MEI4: variants seen among roughly 807,000 people sequenced by gnomAD.
MEI4 encodes the protein meiotic double-stranded break formation protein 4.
MEI4 carries 27 observed loss-of-function variants against 31.4 expected under a neutral mutation model. The observed-to-expected ratio is 0.86, with a 90% CI of 0.63 to 1.19. The LOEUF (loss-of-function observed/expected upper bound fraction) is 1.19. MEI4 is among the 50% of genes most tolerant of loss of function. MEI4 has a pLI of 0.00. For synonymous variants in MEI4, 122 were observed against 145.4 expected (o/e 0.84, Z 1.16); for missense variants, 329 against 398.9 (o/e 0.82, Z 1.49).
chr6:77,671,061 T>G (rs920400941), intron 1 of MEI4, among the ~76,000 whole-genome samples: 9 of 147,544 alleles, frequency 6.1e-5, no homozygotes, highest in Non-Finnish European at 1.2e-4. Flanking sequence ...GTTGTTTTTT[T>G]TTTTTTTTTT....
intron 1 of MEI4, among the ~76,000 whole-genome samples, chr6:77,681,370 G>A (rs879346394): frequency 6.6e-6 from 1 of 152,162 alleles, no homozygotes; most frequent in African/African-American, 2.4e-5. Flanking sequence ...TCTTTGTGAT[G>A]AGGATTATAT....
At chr6:77,863,035 T>G (rs1413333541) in intron 4 of MEI4, among the ~76,000 whole-genome samples, 1 of 152,004 alleles carries the variant, frequency 6.6e-6, no homozygotes, top group African/African-American at 2.4e-5. Context: ...GAAGGAAAAC[T>G]AACAAACAGA....
intron 3 of MEI4, among the ~76,000 whole-genome samples, chr6:77,789,563 A>G (rs979296069): frequency 1.3e-5 from 2 of 152,036 alleles, no homozygotes; most frequent in African/African-American, 2.4e-5. Flanking sequence ...TACAAGGAAA[A>G]AACAAACAAA....
chr6:77,876,946 G>C (rs1771355949), intron 4 of MEI4, among the ~76,000 whole-genome samples: 1 of 152,114 alleles, frequency 6.6e-6, no homozygotes, highest in Non-Finnish European at 1.5e-5. Flanking sequence ...GAAAAATGCA[G>C]AGTGAAATTT....
intron 3 of MEI4, among the ~76,000 whole-genome samples, chr6:77,804,357 C>G (rs1315777706): frequency 2.0e-5 from 3 of 152,150 alleles, no homozygotes. Context: ...TCTGTCACCC[C>G]TTTCTTTGAT....
chr6:77,684,548 C>G (rs1231129645), intron 1 of MEI4, among the ~76,000 whole-genome samples: 1 of 151,982 alleles, frequency 6.6e-6, no homozygotes, highest in Non-Finnish European at 1.5e-5. Context: ...TCTCTATGTC[C>G]AAGAGTTCAA....
chr6:77,920,455 G>A (rs12198354), intron 4 of MEI4, among the ~76,000 whole-genome samples: 21,580 of 151,754 alleles, frequency 0.14, 1,972 homozygotes, highest in South Asian at 0.19. Flanking sequence ...TATTTTCACC[G>A]CATCTGCAGT....
chr6:77,866,069 G>T (rs1029991321), intron 4 of MEI4, among the ~76,000 whole-genome samples: 2 of 151,818 alleles, frequency 1.3e-5, no homozygotes, highest in African/African-American at 4.9e-5. Flanking sequence ...AGGTACTGAT[G>T]GGACGTACCT....
chr6:77,674,820 T>A (rs764278803), intron 1 of MEI4, among the ~76,000 whole-genome samples: 1 of 152,188 alleles, frequency 6.6e-6, no homozygotes, highest in Non-Finnish European at 1.5e-5. Context: ...CCTGCAGAAG[T>A]AATCATAGTG....
At chr6:77,713,835 A>G (rs1410873951) in intron 2 of MEI4, among the ~76,000 whole-genome samples, 1 of 152,144 alleles carries the variant, frequency 6.6e-6, no homozygotes, top group East Asian at 1.9e-4. Context: ...CATCTGTTAA[A>G]CATCATCTCT....
intron 3 of MEI4, among the ~76,000 whole-genome samples, chr6:77,816,385 A>T (rs1219377049): frequency 2.6e-5 from 4 of 152,204 alleles, no homozygotes; most frequent in Non-Finnish European, 5.9e-5. Flanking sequence ...CTTTTTAAAA[A>T]GTTGATCAAG....
At chr6:77,900,269 A>C (rs1766161726) in intron 4 of MEI4, among the ~76,000 whole-genome samples, 1 of 152,078 alleles carries the variant, frequency 6.6e-6, no homozygotes, top group African/African-American at 2.4e-5. Flanking sequence ...CATTATGGAA[A>C]ACAGTAGGGA....
intron 2 of MEI4, among the ~76,000 whole-genome samples, chr6:77,747,849 C>T (rs1767656305): frequency 1.3e-5 from 2 of 152,196 alleles, no homozygotes; most frequent in Non-Finnish European, 2.9e-5. Flanking sequence ...TCAAAAGCTG[C>T]TTAGTTACTT....
intron 3 of MEI4, among the ~76,000 whole-genome samples, chr6:77,781,041 C>T (rs1028602678): frequency 6.6e-6 from 1 of 152,050 alleles, no homozygotes; most frequent in South Asian, 2.1e-4. Flanking sequence ...CCCACAGAAC[C>T]ATGCTCAGCT....
intron 3 of MEI4, among the ~76,000 whole-genome samples, chr6:77,773,722 A>G (rs1276597631): frequency 6.6e-6 from 1 of 152,110 alleles, no homozygotes; most frequent in Non-Finnish European, 1.5e-5. Flanking sequence ...AAGAAAGTGA[A>G]GAGATGACCC....
intron 4 of MEI4, among the ~76,000 whole-genome samples, chr6:77,920,268 G>T (rs894835149): frequency 1.3e-5 from 2 of 151,922 alleles, no homozygotes; most frequent in Admixed American, 6.6e-5. Context: ...CTGGCAAATC[G>T]AATCCAGCAG....
At chr6:77,832,113 G>A (rs188733080) in intron 4 of MEI4, among the ~76,000 whole-genome samples, 337 of 151,986 alleles carry the variant, frequency 2.2e-3, no homozygotes, top group African/African-American at 7.4e-3. Context: ...ACTATGTGTA[G>A]ACTGTTCCTC....
Position 77,739,322 on chromosome 6 carries a change from C to G in MEI4, c.233-21808C>G, listed in dbSNP as rs1394420990. ...ATATGGCTAATCAGTTTTCCCAGCA[C>G]TATTTATTAAATAGGGAATCCTGTC... On this transcript the variant is annotated intron_variant, in intron 2 of 4. Coordinates refer to ENST00000684080, the MANE Select transcript of MEI4 (RefSeq NM_001322247.2). 4.6e-5 allele frequency among the ~76,000 whole-genome samples: 7 copies of G among 152,112 alleles called. No homozygotes were observed. In the East Asian group the frequency reaches 1.3e-3, roughly 29 times the overall value.
intron 4 of MEI4, among the ~76,000 whole-genome samples, chr6:77,872,178 G>GA (rs1326149060): frequency 6.6e-6 from 1 of 152,140 alleles, no homozygotes; most frequent in African/African-American, 2.4e-5. Context: ...ATTTTTACCA[G>GA]AATAGGATTT....
Sources: allele counts gnomAD v4.1 joint callset (sites outside exome capture counted in the v4.1 genomes callset), GRCh38; gene constraint gnomAD v4.1.1; transcripts MANE v1.5; gene names NCBI Gene and HGNC (gene_info 2026-07-23, HGNC 2026-07-21).